PRDM1: variants seen among roughly 807,000 people sequenced by gnomAD.
The protein encoded by PRDM1 is PR/SET domain 1, also known as PR domain zinc finger protein 1.
A neutral mutation model predicts 62.8 loss-of-function variants in PRDM1; 13 were observed. The ratio of observed to expected loss-of-function variants is 0.21; its 90% CI spans 0.13 to 0.33. The LOEUF (loss-of-function observed/expected upper bound fraction) is 0.33, where lower values mean the gene tolerates loss of function less well. Among genes scored for constraint, PRDM1 ranks in the 10% least tolerant of loss-of-function variants. The pLI is 1.00. For missense variants in PRDM1, 895 were observed against 1,058.8 expected (o/e 0.85, Z 2.15); for synonymous variants, 396 against 417.6 (o/e 0.95, Z 0.63).
intron 1 of PRDM1, among the ~76,000 whole-genome samples, chr6:106,036,337 G>A (rs1772925777): frequency 6.6e-6 from 1 of 152,144 alleles, no homozygotes; most frequent in African/African-American, 2.4e-5. Flanking sequence ...AACTTAAGTA[G>A]AGACAGGGTT....
chr6:105,993,367 G>A (rs1002515143), upstream of PRDM1, among the ~76,000 whole-genome samples: 1 of 152,180 alleles, frequency 6.6e-6, no homozygotes, highest in Non-Finnish European at 1.5e-5. Flanking sequence ...CCACCTCTGG[G>A]TAGGCAACCC....
intron 4 of PRDM1, 127 bp downstream of exon 4, chr6:106,099,679 A>G (rs1774212604): frequency 7.6e-7 from 1 of 1,312,780 alleles, no homozygotes. Flanking sequence ...GGCTTAAGCT[A>G]GGGACTAGGA....
chr6:106,003,504 T>G (rs1772451067), intron 1 of PRDM1, among the ~76,000 whole-genome samples: 2 of 152,194 alleles, frequency 1.3e-5, no homozygotes, highest in African/African-American at 2.4e-5. Context: ...CTATCTATCC[T>G]TAGACATTTT....
intron 1 of PRDM1, among the ~76,000 whole-genome samples, chr6:105,995,796 G>A (rs772202666): frequency 1.1e-4 from 16 of 152,068 alleles, no homozygotes; most frequent in East Asian, 3.9e-4. Context: ...AACAGATGTT[G>A]TCAGCCACAA....
At position 106,012,143 on chromosome 6, in the gene PRDM1, C is replaced by T. The variant is rs563827453; in HGVS notation, c.-67+18504C>T. On this transcript the variant is annotated intron_variant, in intron 1 of 6. Coordinates refer to the PRDM1 transcript ENST00000652320. Reference sequence around the variant, plus strand: ...CACACACACACAAACATAACACACACACCACACCCCTCCACATTCACACAC... The same window carrying T: ...CACACACACACAAACATAACACACATACCACACCCCTCCACATTCACACAC... Among the ~76,000 whole-genome samples the T allele has an allele frequency of 3.7e-5, 5 of 135,048 alleles. No individual in the cohort carries two copies. The South Asian group carries it at 1.2e-3, about 33-fold the overall frequency. 88.6% of individuals were successfully genotyped at this position (135,048 alleles called of 152,430 possible).
At chr6:106,006,387 AC>A (rs1197960911) in intron 1 of PRDM1, among the ~76,000 whole-genome samples, 1 of 151,994 alleles carries the variant, frequency 6.6e-6, no homozygotes, top group Admixed American at 6.6e-5. Flanking sequence ...TCCTCCACAG[AC>A]CCCTATCTAA....
At chr6:106,097,940 G>A (rs1408350332) in intron 3 of PRDM1, among the ~76,000 whole-genome samples, 1 of 152,174 alleles carries the variant, frequency 6.6e-6, no homozygotes, top group Non-Finnish European at 1.5e-5. Context: ...CTCACAAGCT[G>A]CTTTGATGAA....
At chr6:106,095,039 CTA>C (rs1181481493) in intron 2 of PRDM1, among the ~76,000 whole-genome samples, 2 of 145,014 alleles carry the variant, frequency 1.4e-5, no homozygotes, top group Non-Finnish European at 3.0e-5. Context: ...AATGTACAAG[CTA>C]TGAAAAAAAA....
chr6:106,001,979 T>C (rs1772431461), intron 1 of PRDM1, among the ~76,000 whole-genome samples: 3 of 152,206 alleles, frequency 2.0e-5, no homozygotes, highest in Admixed American at 6.5e-5. Flanking sequence ...ATGCAGTATG[T>C]GGTTGATACC....
chr6:106,050,792 T>TA (rs1159082518), intron 1 of PRDM1, among the ~76,000 whole-genome samples: 1 of 152,192 alleles, frequency 6.6e-6, no homozygotes, highest in African/African-American at 2.4e-5. Flanking sequence ...TTCTCTGAGT[T>TA]AAAATAAAGC....
At chr6:106,049,724 A>G (rs954706839) in intron 1 of PRDM1, among the ~76,000 whole-genome samples, 1 of 152,230 alleles carries the variant, frequency 6.6e-6, no homozygotes, top group Non-Finnish European at 1.5e-5. Flanking sequence ...GCATTGTACT[A>G]TGCCAGACTG....
chr6:106,079,598 G>A (rs1315504013), intron 1 of PRDM1, among the ~76,000 whole-genome samples: 1 of 152,222 alleles, frequency 6.6e-6, no homozygotes, highest in Non-Finnish European at 1.5e-5. Flanking sequence ...AGGGGTTCAA[G>A]ACCAGCGTGG....
chr6:106,055,517 C>A (rs1047906192), intron 1 of PRDM1, among the ~76,000 whole-genome samples: 1 of 152,106 alleles, frequency 6.6e-6, no homozygotes, highest in Non-Finnish European at 1.5e-5. Flanking sequence ...GTATCTGAAT[C>A]CTTAGAGGAA....
chr6:106,051,533 G>A (rs1484712362), intron 1 of PRDM1, among the ~76,000 whole-genome samples: 1 of 152,232 alleles, frequency 6.6e-6, no homozygotes, highest in Admixed American at 6.5e-5. Flanking sequence ...CAGGGTAGCT[G>A]ACCTGACTTT....
intron 1 of PRDM1, among the ~76,000 whole-genome samples, chr6:106,022,084 C>T (rs1014081196): frequency 6.6e-6 from 1 of 152,124 alleles, no homozygotes; most frequent in African/African-American, 2.4e-5. Flanking sequence ...TAAAATAAAG[C>T]AAGAAAGAGC....
upstream of PRDM1, among the ~76,000 whole-genome samples, chr6:105,993,331 A>T (rs189501462): frequency 1.9e-3 from 287 of 152,340 alleles, no homozygotes; most frequent in Non-Finnish European, 3.8e-3. Context: ...TCCTAAACTC[A>T]GTAACAATAG....
intron 2 of PRDM1, among the ~76,000 whole-genome samples, chr6:106,091,528 C>T (rs913170895): frequency 6.6e-6 from 1 of 152,122 alleles, no homozygotes; most frequent in Non-Finnish European, 1.5e-5. Flanking sequence ...GCCTGTAATC[C>T]CAGCACTTTG....
At chr6:106,006,205 A>G (rs1333726821) in intron 1 of PRDM1, among the ~76,000 whole-genome samples, 1 of 152,246 alleles carries the variant, frequency 6.6e-6, no homozygotes, top group African/African-American at 2.4e-5. Context: ...CGTGTGTTCT[A>G]GCAGACTCAG....
At chr6:106,073,918 A>G (rs1391779438) in intron 1 of PRDM1, among the ~76,000 whole-genome samples, 4 of 152,352 alleles carry the variant, frequency 2.6e-5, no homozygotes, top group Admixed American at 2.0e-4. Context: ...GGGTTTCTGC[A>G]GTAGAAAACA....
Sources: allele counts gnomAD v4.1 joint callset (sites outside exome capture counted in the v4.1 genomes callset), GRCh38; gene constraint gnomAD v4.1.1; transcripts MANE v1.5; gene names NCBI Gene and HGNC (gene_info 2026-07-23, HGNC 2026-07-21).